The following QTMAN variants were observed in gnomAD, a reference collection of about 807,000 sequenced individuals.
QTMAN encodes the protein tRNA-queuosine alpha-mannosyltransferase.
chr2:144,133,138 T>C, the QTMAN span, among the ~76,000 whole-genome samples: 29 of 42,568 alleles, frequency 6.8e-4, 3 homozygotes, highest in Admixed American at 2.8e-3. Flanking sequence ...TATATATATA[T>C]ATATATATAT....
the QTMAN span, among the ~76,000 whole-genome samples, chr2:144,319,433 T>C: frequency 6.6e-6 from 1 of 152,164 alleles, no homozygotes; most frequent in African/African-American, 2.4e-5. Context: ...TTCATAGATA[T>C]AAGATCTTTA....
At chr2:144,247,415 C>G in the QTMAN span, among the ~76,000 whole-genome samples, 1 of 152,090 alleles carries the variant, frequency 6.6e-6, no homozygotes, top group Non-Finnish European at 1.5e-5. Context: ...ACAATATGCT[C>G]ATCTATGAAT....
the QTMAN span, among the ~76,000 whole-genome samples, chr2:144,286,630 C>T: frequency 1.3e-5 from 2 of 152,274 alleles, no homozygotes; most frequent in Non-Finnish European, 2.9e-5. Context: ...AAAGTCATGG[C>T]ATCTATGTTT....
At chr2:144,033,782 T>C in the QTMAN span, among the ~76,000 whole-genome samples, 6 of 152,142 alleles carry the variant, frequency 3.9e-5, no homozygotes, top group Non-Finnish European at 4.4e-5. Context: ...TCAGGTGTGG[T>C]TGAAAGAGAC....
chr2:144,158,672 T>C, the QTMAN span, among the ~76,000 whole-genome samples: 1 of 152,082 alleles, frequency 6.6e-6, no homozygotes, highest in East Asian at 1.9e-4. Context: ...ACAGATACAT[T>C]ACTTCAGAGT....
chr2:144,024,592 C>T, the QTMAN span, among the ~76,000 whole-genome samples: 1 of 152,154 alleles, frequency 6.6e-6, no homozygotes, highest in Non-Finnish European at 1.5e-5. Context: ...AAACTCAGCT[C>T]TTCATTCCTG....
chr2:144,170,662 C>A, the QTMAN span, among the ~76,000 whole-genome samples: 1 of 152,012 alleles, frequency 6.6e-6, no homozygotes, highest in Non-Finnish European at 1.5e-5. Flanking sequence ...TTACCCAAAC[C>A]TCCTTGAGCA....
the QTMAN span, among the ~76,000 whole-genome samples, chr2:144,299,882 A>C: frequency 6.6e-6 from 1 of 152,254 alleles, no homozygotes. Context: ...CAGTGGACGA[A>C]TGGAGAAATA....
At chr2:144,286,648 T>C in the QTMAN span, among the ~76,000 whole-genome samples, 1 of 152,220 alleles carries the variant, frequency 6.6e-6, no homozygotes, top group Non-Finnish European at 1.5e-5. Context: ...TTTTGGTTTA[T>C]ACTATAAAAG....
At chr2:144,031,752 ACTT>A in the QTMAN span, among the ~76,000 whole-genome samples, 48 of 152,088 alleles carry the variant, frequency 3.2e-4, no homozygotes, top group African/African-American at 8.9e-4. Flanking sequence ...GGGTATGATT[ACTT>A]CTTCTTCTTC....
At chr2:143,977,667 G>A in the QTMAN span, among the ~76,000 whole-genome samples, 2 of 152,178 alleles carry the variant, frequency 1.3e-5, no homozygotes, top group East Asian at 3.9e-4. Flanking sequence ...GGCCCATGAG[G>A]AATGGGGACC....
the QTMAN span, among the ~76,000 whole-genome samples, chr2:144,032,324 C>T: frequency 6.6e-6 from 1 of 152,108 alleles, no homozygotes; most frequent in African/African-American, 2.4e-5. Context: ...ATAGTTAGTG[C>T]CAAATGAACT....
At chr2:144,251,690 C>CA in the QTMAN span, among the ~76,000 whole-genome samples, 1 of 151,700 alleles carries the variant, frequency 6.6e-6, no homozygotes, top group Admixed American at 6.6e-5. Context: ...GATATAACAC[C>CA]AAAAACATGA....
At chr2:144,082,783 G>A in the QTMAN span, among the ~76,000 whole-genome samples, 2,120 of 152,174 alleles carry the variant, frequency 0.014, 48 homozygotes, top group African/African-American at 0.049. Flanking sequence ...CACGGGCTCT[G>A]TAGACTGTGC....
At chr2:144,105,956 T>C in the QTMAN span, among the ~76,000 whole-genome samples, 1 of 152,196 alleles carries the variant, frequency 6.6e-6, no homozygotes, top group South Asian at 2.1e-4. Flanking sequence ...ATATTCAACA[T>C]TTTTAAAGAA....
chr2:144,232,936 T>A, the QTMAN span, among the ~76,000 whole-genome samples: 1 of 152,164 alleles, frequency 6.6e-6, no homozygotes, highest in African/African-American at 2.4e-5. Flanking sequence ...AAAACACTTC[T>A]GTGTTTTACC....
the QTMAN span, among the ~76,000 whole-genome samples, chr2:143,983,379 T>C: frequency 1.3e-5 from 2 of 152,172 alleles, no homozygotes; most frequent in African/African-American, 4.8e-5. Flanking sequence ...TCTAGTGAGT[T>C]TTATAGCCAC....
At chr2:144,156,981 A>G in the QTMAN span, among the ~76,000 whole-genome samples, 5 of 152,226 alleles carry the variant, frequency 3.3e-5, no homozygotes, top group Admixed American at 2.6e-4. Context: ...AGAGGCAAAA[A>G]TAGAACCAGT....
chr2:144,058,199 CTT>C, the QTMAN span, among the ~76,000 whole-genome samples: 1 of 145,932 alleles, frequency 6.9e-6, no homozygotes, highest in Non-Finnish European at 1.5e-5. Flanking sequence ...TGCTTTCTCT[CTT>C]TCTCTTTGGG....
Sources: allele counts gnomAD v4.1 joint callset (sites outside exome capture counted in the v4.1 genomes callset), GRCh38; gene constraint gnomAD v4.1.1; transcripts MANE v1.5; gene names NCBI Gene and HGNC (gene_info 2026-07-23, HGNC 2026-07-21).